The following CMTM4 variants were observed in gnomAD, a reference collection of about 807,000 sequenced individuals.
CMTM4 encodes CKLF-like MARVEL transmembrane domain-containing protein 4.
In CMTM4, 8 loss-of-function variants were observed where a neutral mutation model predicts 19.0. That is an observed-to-expected ratio of 0.42 (90% CI 0.25 to 0.76). CMTM4 has a LOEUF of 0.76. Ranked by LOEUF, CMTM4 falls within the 30% of genes least tolerant of loss-of-function variation. The pLI is 0.27. For synonymous variants in CMTM4, 106 were observed against 121.1 expected (o/e 0.88, Z 0.82); for missense variants, 228 against 290.2 (o/e 0.79, Z 1.56).
At chr16:66,611,774 AG>A (rs2015385778), downstream of CMTM4, among the ~76,000 whole-genome samples, 1 of 152,158 alleles carries the variant, frequency 6.6e-6, no homozygotes, top group African/African-American at 2.4e-5. Context: ...GGAACCCTCG[AG>A]GTACACCTCA....
rs146865765 is a variant in CMTM4 at position 66,639,559 on chromosome 16, G to C, written c.187-2978C>G. On this transcript the variant is annotated intron_variant, in intron 1 of 3. Coordinates refer to ENST00000394106, the MANE Select transcript of CMTM4 (RefSeq NM_181521.3). ...AGGGAAGGTGAACAAAGCATAGCTG[G>C]GGCAAAGGTGTTCGAAAGTTTAGAC... Among the ~76,000 whole-genome samples, 638 of 152,202 alleles carry C rather than the reference G, an allele frequency of 4.2e-3. 3 individuals are homozygous for C. Among genetic ancestry groups the C allele is most frequent in the African/African-American group, 0.014 (586 of 41,526 alleles).
At chr16:66,658,955 G>A (rs1228825852) in intron 1 of CMTM4, among the ~76,000 whole-genome samples, 2 of 152,162 alleles carry the variant, frequency 1.3e-5, no homozygotes, top group African/African-American at 4.8e-5. Flanking sequence ...ACCTGCTAGT[G>A]TGGATGCCGT....
chr16:66,674,152 T>C (rs2016762365), intron 1 of CMTM4, among the ~76,000 whole-genome samples: 1 of 152,204 alleles, frequency 6.6e-6, no homozygotes, highest in African/African-American at 2.4e-5. Context: ...CAGTCTGGTC[T>C]GCGAAGGGAG....
At chr16:66,687,138 C>CTTTTTT (rs35098269) in intron 1 of CMTM4, among the ~76,000 whole-genome samples, 1 of 131,304 alleles carries the variant, frequency 7.6e-6, no homozygotes, top group Non-Finnish European at 1.6e-5. Flanking sequence ...GTGCAGAATG[C>CTTTTTT]TTTTTTTTTT....
chr16:66,638,128 C>T lies in CMTM4; in HGVS notation c.187-1547G>A, dbSNP rs149038063. Among the ~76,000 whole-genome samples, 268 of 152,322 alleles carry T rather than the reference C, an allele frequency of 1.8e-3. 3 individuals are homozygous for T. The highest frequency in any genetic ancestry group is 0.015 in the East Asian group (79 of 5,184). ...CTCCCTGCCAGACATCAGCTTATCC[C>T]ACCCTCTCCCAGGAAAGCTGGTTCA... On this transcript the variant is annotated intron_variant, in intron 1 of 3. Coordinates refer to ENST00000394106, the MANE Select transcript of CMTM4 (RefSeq NM_181521.3).
At position 66,619,161 on chromosome 16, in the gene CMTM4, G is replaced by C. The variant is rs2015581843; in HGVS notation, c.*2897C>G. On this transcript the variant is annotated 3_prime_UTR_variant, in exon 4 of 4. Transcript: ENST00000394106. ...ATGACTGTAATCCCTCTTTAAGGCA[G>C]GGAAAACATATTTCCCTCCCATGCC... 1 of 985,320 alleles carries C rather than the reference G, an allele frequency of 1.0e-6. No individual in the cohort carries two copies. The highest frequency in any genetic ancestry group is 1.7e-5 in the African/African-American group (1 of 57,234). 61.0% of individuals were successfully genotyped at this position (985,320 alleles called of 1,614,324 possible).
downstream of CMTM4, among the ~76,000 whole-genome samples, chr16:66,614,357 C>G (rs548008571): frequency 7.2e-4 from 110 of 152,334 alleles, 1 homozygote; most frequent in Non-Finnish European, 1.5e-3. The surrounding 1 kb of genome is among the most constrained non-coding windows in gnomAD (Gnocchi z 4.9). Context: ...TAGTGTCTCA[C>G]GGCAGCCTCA....
chr16:66,661,969 T>C (rs989023106), intron 1 of CMTM4, among the ~76,000 whole-genome samples: 5 of 151,678 alleles, frequency 3.3e-5, no homozygotes, highest in African/African-American at 1.2e-4. Flanking sequence ...AACATTTCCT[T>C]ACTACAAAAA....
chr16:66,665,420 T>C (rs1305701742), intron 1 of CMTM4, among the ~76,000 whole-genome samples: 1 of 151,738 alleles, frequency 6.6e-6, no homozygotes, highest in Non-Finnish European at 1.5e-5. Flanking sequence ...GCATAATCCA[T>C]GAGAAAAAAA....
intron 1 of CMTM4, among the ~76,000 whole-genome samples, chr16:66,678,281 G>A (rs970629737): frequency 1.3e-5 from 2 of 152,182 alleles, no homozygotes; most frequent in African/African-American, 4.8e-5. Flanking sequence ...CAGCAACCCG[G>A]AGATGCAGGG....
chr16:66,673,071 ATTTT>A (rs758565705), intron 1 of CMTM4, among the ~76,000 whole-genome samples: 1 of 86,746 alleles, frequency 1.2e-5, no homozygotes. Context: ...CACCACACCA[ATTTT>A]TTTTTTTTTT....
At chr16:66,646,073 G>A (rs1267614860) in intron 1 of CMTM4, among the ~76,000 whole-genome samples, 3 of 152,158 alleles carry the variant, frequency 2.0e-5, no homozygotes, top group East Asian at 1.9e-4. Flanking sequence ...AGAGAGATGG[G>A]GGATTCTGTG....
chr16:66,658,440 G>A (rs888393288), intron 1 of CMTM4, among the ~76,000 whole-genome samples: 3 of 152,048 alleles, frequency 2.0e-5, no homozygotes, highest in South Asian at 2.1e-4. Flanking sequence ...ACTCCCATTC[G>A]AGTCGCACTT....
chr16:66,663,951 G>C (rs949930015), intron 1 of CMTM4, among the ~76,000 whole-genome samples: 2 of 152,164 alleles, frequency 1.3e-5, no homozygotes, highest in South Asian at 4.1e-4. Context: ...GCTTAGAACA[G>C]GCCAGGTGCA....
intron 1 of CMTM4, among the ~76,000 whole-genome samples, chr16:66,680,042 A>G (rs1404563959): frequency 6.6e-6 from 1 of 152,206 alleles, no homozygotes; most frequent in Non-Finnish European, 1.5e-5. Flanking sequence ...TAAGCTTGCC[A>G]TGAACGTTAA....
At chr16:66,623,710 A>T (rs756005914) in intron 2 of CMTM4, among the ~76,000 whole-genome samples, 1 of 152,138 alleles carries the variant, frequency 6.6e-6, no homozygotes, top group Non-Finnish European at 1.5e-5. Context: ...CCACCACAAA[A>T]TCTACATTTT....
chr16:66,690,698 T>C (rs959041563), intron 1 of CMTM4, among the ~76,000 whole-genome samples: 2 of 152,218 alleles, frequency 1.3e-5, no homozygotes, highest in Non-Finnish European at 2.9e-5. Flanking sequence ...AACCTCTTAA[T>C]TCTTACAATT....
At chr16:66,658,023 C>A (rs2016429387) in intron 1 of CMTM4, among the ~76,000 whole-genome samples, 1 of 152,092 alleles carries the variant, frequency 6.6e-6, no homozygotes, top group Non-Finnish European at 1.5e-5. Context: ...GAGTTCGAGA[C>A]CAGCCTAGGC....
In CMTM4 at chr16:66,617,273, T is replaced by C; in HGVS notation, c.*4785A>G. 6.2e-7 allele frequency: 1 copy of C among 1,614,012 alleles called. No individual in the cohort carries two copies. Among genetic ancestry groups the C allele is most frequent in the Non-Finnish European group, 8.5e-7 (1 of 1,179,942 alleles). ...CAGTTCAAGGACCCATCATCTGAAC[T>C]TTTCTAGGCAAGTTGCCAGTGATTC... On this transcript the variant is annotated 3_prime_UTR_variant, in exon 4 of 4. Transcript: ENST00000394106.
Sources: allele counts gnomAD v4.1 joint callset (sites outside exome capture counted in the v4.1 genomes callset), GRCh38; gene constraint gnomAD v4.1.1; non-coding constraint Gnocchi (gnomAD v3.1); transcripts MANE v1.5; gene names NCBI Gene and HGNC (gene_info 2026-07-23, HGNC 2026-07-21).